Variants in CAMTA1 observed in about 807,000 individuals in gnomAD.
The protein encoded by CAMTA1 is calmodulin binding transcription activator 1, also known as calmodulin-binding transcription activator 1.
CAMTA1 carries 27 observed loss-of-function variants against 170.9 expected under a neutral mutation model. The ratio of observed to expected loss-of-function variants is 0.16; its 90% CI spans 0.12 to 0.22. The LOEUF is 0.22. CAMTA1 is among the 10% of genes least tolerant of loss of function. CAMTA1 has a pLI of 1.00. For synonymous variants in CAMTA1, 833 were observed against 891.5 expected (o/e 0.93, Z 1.17); for missense variants, 1,619 against 2,217.2 (o/e 0.73, Z 5.42).
At chr1:7,076,398 AGCCCAT>A (rs1639309541) in intron 3 of CAMTA1, among the ~76,000 whole-genome samples, 2 of 152,312 alleles carry the variant, frequency 1.3e-5, no homozygotes, top group East Asian at 3.9e-4. Context: ...TTTTCCCTGC[AGCCCAT>A]GCTGCTCTTC....
chr1:6,792,114 C>T (rs561360539), intron 1 of CAMTA1, among the ~76,000 whole-genome samples: 1 of 151,992 alleles, frequency 6.6e-6, no homozygotes, highest in South Asian at 2.1e-4. Context: ...CCACCATGCC[C>T]GGCTAATTTT....
Position 7,248,733 on chromosome 1 carries a change from C to A in CAMTA1, c.303-758C>A, listed in dbSNP as rs1477312872. ...TGGTGGACGCGTGTTTTCTTTTTGG[C>A]AAATTCAAGGTTCTTTACCTTTTTC... On this transcript the variant is annotated intron_variant, in intron 4 of 22. Coordinates refer to ENST00000303635, the MANE Select transcript of CAMTA1 (RefSeq NM_015215.4). This position sits in a 1 kb window ranked among gnomAD's most constrained non-coding sequence, Gnocchi z 4.0. Among the ~76,000 whole-genome samples, 1 of 152,116 alleles carries A rather than the reference C, an allele frequency of 6.6e-6. No homozygotes were observed. Among genetic ancestry groups the A allele is most frequent in the Non-Finnish European group, 1.5e-5 (1 of 68,022 alleles).
At chr1:7,508,843 A>G (rs1304573825) in intron 6 of CAMTA1, among the ~76,000 whole-genome samples, 1 of 152,242 alleles carries the variant, frequency 6.6e-6, no homozygotes, top group Non-Finnish European at 1.5e-5. Flanking sequence ...CTGTCTGCCA[A>G]AATTAATGCA....
intron 3 of CAMTA1, among the ~76,000 whole-genome samples, chr1:6,982,624 C>G (rs557109801): frequency 6.6e-6 from 1 of 152,280 alleles, no homozygotes; most frequent in South Asian, 2.1e-4. Flanking sequence ...TAGCGCCCTT[C>G]CCCAAAGTCA....
At chr1:7,513,010 G>A (rs934262014) in intron 6 of CAMTA1, among the ~76,000 whole-genome samples, 2 of 152,200 alleles carry the variant, frequency 1.3e-5, no homozygotes, top group African/African-American at 4.8e-5. Flanking sequence ...GCCTCCCACT[G>A]AGCAAGGTGA....
At chr1:7,030,556 G>A (rs915608371) in intron 3 of CAMTA1, among the ~76,000 whole-genome samples, 1 of 152,076 alleles carries the variant, frequency 6.6e-6, no homozygotes, top group African/African-American at 2.4e-5. Flanking sequence ...CAACAAATAT[G>A]GTCAGTTGAA....
At chr1:7,601,430 G>A (rs1482028666) in intron 6 of CAMTA1, among the ~76,000 whole-genome samples, 6 of 151,988 alleles carry the variant, frequency 3.9e-5, no homozygotes, top group African/African-American at 7.3e-5. Context: ...GATGGCGGCC[G>A]GGCAGAGACG....
At chr1:7,188,302 G>A (rs528325197) in intron 4 of CAMTA1, among the ~76,000 whole-genome samples, 1 of 152,190 alleles carries the variant, frequency 6.6e-6, no homozygotes, top group African/African-American at 2.4e-5. Context: ...AAAGGAAATT[G>A]TGGTGAAATG....
intron 3 of CAMTA1, among the ~76,000 whole-genome samples, chr1:6,924,010 G>A (rs1682575942): frequency 6.6e-6 from 1 of 152,178 alleles, no homozygotes; most frequent in Non-Finnish European, 1.5e-5. Flanking sequence ...CAAAATGAAG[G>A]GGCTACCTGG....
chr1:7,499,223 GTATA>G (rs1235251664), intron 6 of CAMTA1, among the ~76,000 whole-genome samples: 1 of 133,766 alleles, frequency 7.5e-6, no homozygotes, highest in South Asian at 2.5e-4. Flanking sequence ...GCATGTGTAT[GTATA>G]TGAGTGTGTG....
intron 5 of CAMTA1, among the ~76,000 whole-genome samples, chr1:7,254,525 C>A (rs535397207): frequency 6.6e-6 from 1 of 152,180 alleles, no homozygotes; most frequent in Non-Finnish European, 1.5e-5. Context: ...CTGTAAACAA[C>A]GAAGAGTTTC....
intron 6 of CAMTA1, among the ~76,000 whole-genome samples, chr1:7,555,053 T>C (rs894088151): frequency 4.6e-5 from 7 of 152,010 alleles, no homozygotes; most frequent in Non-Finnish European, 1.0e-4. Flanking sequence ...ACCTCAAGGG[T>C]ATCCCCAAGT....
rs1663450475 is a variant in CAMTA1 at position 7,234,549 on chromosome 1, C to T, written c.303-14942C>T. On this transcript the variant is annotated intron_variant, in intron 4 of 22. Coordinates refer to ENST00000303635, the MANE Select transcript of CAMTA1 (RefSeq NM_015215.4). This position sits in a 1 kb window ranked among gnomAD's most constrained non-coding sequence, Gnocchi z 5.0. ...CGTGAATGCTCAGCCGTGATAGCTG[C>T]TCAGTAAATATTAACTGAACAAATC... Among the ~76,000 whole-genome samples the T allele has an allele frequency of 6.6e-6, 1 of 152,226 alleles. No individual in the cohort carries two copies. Among genetic ancestry groups the T allele is most frequent in the South Asian group, 2.1e-4 (1 of 4,832 alleles).
chr1:7,604,270 C>T (rs1188374804), intron 6 of CAMTA1, among the ~76,000 whole-genome samples: 2 of 152,086 alleles, frequency 1.3e-5, no homozygotes, highest in Non-Finnish European at 2.9e-5. Flanking sequence ...TAATATCCTG[C>T]AGTGTTTTCC....
At chr1:6,981,678 C>G (rs59000460) in intron 3 of CAMTA1, among the ~76,000 whole-genome samples, 2,980 of 152,268 alleles carry the variant, frequency 0.02, 80 homozygotes, top group African/African-American at 0.067. Context: ...TCAAGTGATC[C>G]TCCTACCTCA....
At chr1:7,705,554 GC>G (rs1027591555) in intron 11 of CAMTA1, among the ~76,000 whole-genome samples, 4 of 150,756 alleles carry the variant, frequency 2.7e-5, no homozygotes, top group African/African-American at 4.8e-5. Flanking sequence ...GCGCGCGGGG[GC>G]CCGGCCCGGC....
chr1:7,617,262 A>G (rs987211841), intron 6 of CAMTA1, among the ~76,000 whole-genome samples: 4 of 152,172 alleles, frequency 2.6e-5, no homozygotes, highest in Non-Finnish European at 5.9e-5. Flanking sequence ...AAATATCAGG[A>G]GGGCTCTGCT....
At chr1:7,292,935 A>G (rs1448967195) in intron 5 of CAMTA1, among the ~76,000 whole-genome samples, 1 of 151,956 alleles carries the variant, frequency 6.6e-6, no homozygotes, top group Non-Finnish European at 1.5e-5. Context: ...CCCCAGCGCC[A>G]CCTCCCATGT....
At chr1:7,182,509 A>AGC (rs34067197) in intron 4 of CAMTA1, among the ~76,000 whole-genome samples, 82 of 150,350 alleles carry the variant, frequency 5.5e-4, no homozygotes, top group East Asian at 1.4e-3. Flanking sequence ...AAAAAAAAAA[A>AGC]AAAACACTAG....
Sources: gnomAD v4.1 joint callset for allele counts (sites outside exome capture counted in the v4.1 genomes callset) on GRCh38, gnomAD v4.1.1 for gene constraint, Gnocchi (gnomAD v3.1) non-coding constraint, MANE v1.5 for transcripts, NCBI Gene and HGNC (gene_info 2026-07-23, HGNC 2026-07-21) for gene names.